The following COL3A1 variants were observed in gnomAD, a reference collection of about 807,000 sequenced individuals.
COL3A1 encodes collagen type III alpha 1 chain.
COL3A1 carries 46 observed loss-of-function variants against 200.9 expected under a neutral mutation model. That is an observed-to-expected ratio of 0.23 (90% CI 0.18 to 0.29). The LOEUF (loss-of-function observed/expected upper bound fraction) is 0.29. Among genes scored for constraint, COL3A1 ranks in the 10% least tolerant of loss-of-function variants. The probability of loss-of-function intolerance (pLI) is 1.00; values close to 1 mark genes in which losing one functional copy is unlikely to be tolerated. For missense variants in COL3A1, 1,367 were observed against 1,917.6 expected, an observed-to-expected ratio of 0.71 and a Z score of 5.36; for synonymous variants, 650 against 628.0, an observed-to-expected ratio of 1.03 and a Z score of -0.52.
intron 43 of COL3A1, among the ~76,000 whole-genome samples, 183 bp from the exon 44 acceptor site, chr2:189,006,754 T>A (rs191011366): frequency 6.6e-6 from 1 of 152,238 alleles, no homozygotes; most frequent in East Asian, 1.9e-4. Flanking sequence ...TCTGTCTAGA[T>A]CCCCTGAGAA....
At chr2:188,999,248 G>C (rs1274533042) in intron 29 of COL3A1, 37 bp from the exon 30 acceptor site, 1 of 1,535,164 alleles carries the variant, frequency 6.5e-7, no homozygotes, top group South Asian at 1.2e-5. Flanking sequence ...TTAGCTTTGG[G>C]TTGTCTAATA....
intron 48 of COL3A1, 66 bp downstream of exon 48, chr2:189,009,287 G>A: frequency 1.3e-6 from 2 of 1,583,138 alleles, no homozygotes; most frequent in African/African-American, 1.4e-5. Flanking sequence ...AGATTAGAAT[G>A]GGAACGAAAA....
intron 27 of COL3A1, 34 bp downstream of exon 27, chr2:188,997,787 C>G: frequency 6.3e-7 from 1 of 1,598,648 alleles, no homozygotes; most frequent in Non-Finnish European, 8.6e-7. Context: ...CACGGCATAT[C>G]TGACTGTCAA....
chr2:189,009,276 T>A (rs895745845), intron 48 of COL3A1, 55 bp downstream of exon 48: 7 of 1,602,342 alleles, frequency 4.4e-6, no homozygotes, highest in Non-Finnish European at 4.3e-6. Context: ...GAAAGCTGCT[T>A]AGATTAGAAT....
chr2:188,989,819 C>A (rs1688148270), intron 8 of COL3A1, among the ~76,000 whole-genome samples: 1 of 152,112 alleles, frequency 6.6e-6, no homozygotes, highest in Admixed American at 6.6e-5. Flanking sequence ...AATGGCATTC[C>A]TTCTTTCCCT....
At chr2:189,011,581 A>T in intron 50 of COL3A1, 47 bp from the exon 51 acceptor site, 1 of 1,611,126 alleles carries the variant, frequency 6.2e-7, no homozygotes. Flanking sequence ...AGAGTTGTCT[A>T]AGTAATTGTA....
rs902780774 is a variant in COL3A1, at chr2:188,997,734, C to T, written c.1904C>T (p.Pro635Leu). 3.1e-6 allele frequency: 5 copies of T among 1,614,000 alleles called. No individual in the cohort carries two copies. Among genetic ancestry groups the T allele is most frequent in the Non-Finnish European group, 4.2e-6 (5 of 1,179,882 alleles). The change falls in exon 27 of 51, where the codon CCT (proline) becomes CTT (leucine). Residue 635 changes from proline (P) to leucine (L), a missense_variant. This residue lies in a region of COL3A1 where 846 missense variants were observed against 1,147.9 expected (regional missense o/e 0.74). Coordinates refer to ENST00000304636, the MANE Select transcript of COL3A1 (RefSeq NM_000090.4). ...PGGDKGDTGP[P>L]GPQGLQGLPG... ...GGTGACAAAGGAGACACAGGACCCC[C>T]TGGTCCACAAGGATTACAAGTAAGA...
chr2:189,002,452 T>C, intron 35 of COL3A1, 101 bp downstream of exon 35: 1 of 987,400 alleles, frequency 1.0e-6, no homozygotes, highest in Non-Finnish European at 1.6e-6. Flanking sequence ...AGTCTCATTT[T>C]AGCTGCTCAT....
At chr2:188,974,976 G>A (rs979481579) in intron 1 of COL3A1, among the ~76,000 whole-genome samples, 2 of 152,176 alleles carry the variant, frequency 1.3e-5, no homozygotes, top group Middle Eastern at 3.4e-3. Flanking sequence ...AGAATATTGA[G>A]CATTGTTTTC....
chr2:189,001,700 G>A (rs1030261986), intron 34 of COL3A1, 111 bp downstream of exon 34: 1 of 1,077,056 alleles, frequency 9.3e-7, no homozygotes, highest in African/African-American at 1.6e-5. Context: ...TCAATTTGGA[G>A]ATATTATCTT....
At position 189,010,856 on chromosome 2, in the gene COL3A1, A is replaced by G; in HGVS notation, c.4220A>G (p.Lys1407Arg). ...EGEFKAEGNS[K>R]FTYTVLEDGC... ...GAATTCAAGGCTGAAGGAAATAGCA[A>G]ATTCACCTACACAGTTCTGGAGGAT... Residue 1407 changes from lysine to arginine, a missense_variant, in exon 50 of 51, where the codon AAA becomes AGA. Around this residue, in one of 5 missense-constraint regions of COL3A1, gnomAD observed 846 missense variants for 1,147.9 expected, o/e 0.74. Coordinates refer to ENST00000304636, the MANE Select transcript of COL3A1 (RefSeq NM_000090.4). 1.9e-6 allele frequency: 3 copies of G among 1,614,178 alleles called. No individual in the cohort carries two copies. The highest frequency in any genetic ancestry group is 3.3e-4 in the Middle Eastern group (2 of 6,062).
chr2:188,981,460 ATTTAG>A (rs570037040), intron 1 of COL3A1, among the ~76,000 whole-genome samples: 19 of 151,686 alleles, frequency 1.3e-4, no homozygotes, highest in African/African-American at 4.3e-4. Flanking sequence ...GAACAGAGAG[ATTTAG>A]TTTAAACAAC....
At position 188,991,020 on chromosome 2, in the gene COL3A1, A is replaced by G. The variant is rs548740699; in HGVS notation, c.815A>G (p.Asn272Ser). The change falls in exon 11 of 51, where the codon AAT becomes AGT. Residue 272 changes from asparagine to serine, a missense_variant. Around this residue, in one of 5 missense-constraint regions of COL3A1, gnomAD observed 462 missense variants for 681.4 expected, o/e 0.68. Transcript: ENST00000304636. ...MKGHRGFDGR[N>S]GEKGETGAPG... ...ATTTCCTAGGGCTTCGATGGACGAA[A>G]TGGAGAAAAGGGTGAAACAGGTGCT... is the stretch of plus-strand genomic sequence containing the variant. 3 of 1,613,262 alleles carry G rather than the reference A, an allele frequency of 1.9e-6. No homozygotes were observed. The highest frequency in any genetic ancestry group is 2.5e-6 in the Non-Finnish European group (3 of 1,179,568).
At chr2:188,989,573 C>A in intron 8 of COL3A1, 124 bp downstream of exon 8, 3 of 766,384 alleles carry the variant, frequency 3.9e-6, no homozygotes, top group South Asian at 3.5e-5. Flanking sequence ...GTTGTCTTAA[C>A]AACATTTTAG....
In COL3A1 at chr2:188,987,872, T is replaced by C. The variant is rs549015130; in HGVS notation, c.529-209T>C. Among the ~76,000 whole-genome samples the C allele has an allele frequency of 4.6e-5, 7 of 152,198 alleles. No individual in the cohort carries two copies. The East Asian group carries it at 9.7e-4, about 21-fold the overall frequency. On this transcript the variant is annotated intron_variant, in intron 5 of 50. Coordinates refer to ENST00000304636, the MANE Select transcript of COL3A1 (RefSeq NM_000090.4). ...AACATTTTATAACATTTATTAATAA[T>C]TTATATAGAATCTGTGAGAATTTCA...
At chr2:188,999,767 G>A (rs755478147) in intron 31 of COL3A1, 75 bp from the exon 32 acceptor site, 107 of 1,495,826 alleles carry the variant, frequency 7.2e-5, no homozygotes, top group Non-Finnish European at 9.2e-5. Flanking sequence ...TACAAATCCT[G>A]AGAGTTACTC....
intron 2 of COL3A1, 24 bp downstream of exon 2, chr2:188,984,986 A>G: frequency 6.2e-7 from 1 of 1,601,994 alleles, no homozygotes; most frequent in Non-Finnish European, 8.5e-7. Context: ...TAAACTGTAC[A>G]TCTTCAATAT....
chr2:189,003,906 T>A, intron 38 of COL3A1, 76 bp from the exon 39 acceptor site: 1 of 1,575,204 alleles, frequency 6.3e-7, no homozygotes, highest in Non-Finnish European at 8.7e-7. Context: ...AATAAAATTA[T>A]TTGAAGTAAG....
At chr2:189,003,090 T>C (rs1040719920) in intron 36 of COL3A1, 28 bp downstream of exon 36, 4 of 1,469,720 alleles carry the variant, frequency 2.7e-6, no homozygotes, top group East Asian at 2.5e-5. Context: ...TCTCTGTCTA[T>C]CTATCTATCA....
Sources: gnomAD v4.1 joint callset for allele counts (sites outside exome capture counted in the v4.1 genomes callset) on GRCh38, gnomAD v4.1.1 for gene constraint, gnomAD v4.1.1 regional missense constraint, MANE v1.5 for transcripts, NCBI Gene and HGNC (gene_info 2026-07-23, HGNC 2026-07-21) for gene names.